Variants in KIF15 observed in about 807,000 individuals in gnomAD.
KIF15 encodes the protein kinesin family member 15, also known as kinesin-like protein KIF15.
A neutral mutation model predicts 190.6 loss-of-function variants in KIF15; 140 were observed. The observed-to-expected ratio is 0.73, with a 90% confidence interval of 0.64 to 0.84. The LOEUF (loss-of-function observed/expected upper bound fraction) is 0.84, where lower values mean the gene tolerates loss of function less well. KIF15 is among the 40% of genes least tolerant of loss of function. The pLI is 0.00. For missense variants in KIF15, 1,372 were observed against 1,584.4 expected, an observed-to-expected ratio of 0.87 and a Z score of 2.28; for synonymous variants, 528 against 551.3, an observed-to-expected ratio of 0.96 and a Z score of 0.59.
chr3:44,857,632 A>T (rs1054959126), downstream of KIF15, among the ~76,000 whole-genome samples: 5 of 152,178 alleles, frequency 3.3e-5, no homozygotes, highest in Admixed American at 2.6e-4. Flanking sequence ...GGTCGGCTAG[A>T]TTTCCTTTTG....
chr3:44,821,076 G>A (rs1440710651), intron 20 of KIF15, among the ~76,000 whole-genome samples: 10 of 145,630 alleles, frequency 6.9e-5, no homozygotes, highest in South Asian at 2.2e-4. Flanking sequence ...GCCGGGTGGC[G>A]GGCTGACCCC....
intron 1 of KIF15, 58 bp from the exon 2 acceptor site, chr3:44,774,337 A>G: frequency 6.8e-7 from 1 of 1,475,120 alleles, no homozygotes; most frequent in South Asian, 1.2e-5. Context: ...ATGTTAGAGA[A>G]GAATAGGATT....
chr3:44,841,965 C>T (rs1265982553), intron 29 of KIF15, among the ~76,000 whole-genome samples: 1 of 152,206 alleles, frequency 6.6e-6, no homozygotes, highest in Non-Finnish European at 1.5e-5. Flanking sequence ...GCTATGCTCT[C>T]ATCAGGAATG....
At chr3:44,868,391 C>T (rs1475420921) in intron 6 of KIF15, among the ~76,000 whole-genome samples, 2 of 152,160 alleles carry the variant, frequency 1.3e-5, no homozygotes, top group African/African-American at 4.8e-5. Context: ...TTTCCCTTTT[C>T]TATTCTATTC....
rs370952194 is a variant in KIF15, at chr3:44,786,440, A to G, written c.505A>G (p.Ile169Val). The change falls in exon 7 of 35, where the codon ATC (isoleucine) becomes GTC (valine). Residue 169 changes from isoleucine to valine, a missense_variant. Coordinates refer to ENST00000326047, the MANE Select transcript of KIF15 (RefSeq NM_020242.3). ...SFLCKCSFIE[I>V]YNEQIYDLLD... ...CCTTTGTAAGTGTTCCTTTATTGAA[A>G]TCTACAACGAGCAGATATATGATCT... is the stretch of plus-strand genomic sequence containing the variant. 9 of 1,611,548 alleles carry G rather than the reference A, an allele frequency of 5.6e-6. No individual in the cohort carries two copies. The highest frequency in any genetic ancestry group is 7.6e-6 in the Non-Finnish European group (9 of 1,178,406).
intron 26 of KIF15, among the ~76,000 whole-genome samples, chr3:44,836,757 C>T (rs546295040): frequency 9.2e-5 from 14 of 152,260 alleles, no homozygotes; most frequent in Middle Eastern, 3.4e-3. Context: ...GTATTGCCAG[C>T]GAAGAAGACT....
At chr3:44,772,619 C>T (rs4479635) in intron 1 of KIF15, among the ~76,000 whole-genome samples, 1,667 of 152,250 alleles carry the variant, frequency 0.011, 27 homozygotes, top group African/African-American at 0.037. Flanking sequence ...CCTTATTACC[C>T]GACATTAGCC....
intron 8 of KIF15, among the ~76,000 whole-genome samples, chr3:44,796,958 G>A (rs942057167): frequency 1.3e-5 from 2 of 151,722 alleles, no homozygotes; most frequent in Non-Finnish European, 2.9e-5. Flanking sequence ...TTTATAGCTC[G>A]GTTTCAAACT....
chr3:44,841,936 T>A (rs1476242813), intron 29 of KIF15, among the ~76,000 whole-genome samples: 1 of 152,228 alleles, frequency 6.6e-6, no homozygotes, highest in African/African-American at 2.4e-5. Flanking sequence ...CACAATGGTG[T>A]CATATACAGG....
At chr3:44,867,733 C>T (rs907617161) in intron 6 of KIF15, among the ~76,000 whole-genome samples, 2 of 152,156 alleles carry the variant, frequency 1.3e-5, no homozygotes, top group African/African-American at 4.8e-5. Flanking sequence ...ATCAGTCATT[C>T]TTCAAAAAGC....
chr3:44,788,205 T>C (rs969700564), intron 7 of KIF15, among the ~76,000 whole-genome samples: 4 of 152,214 alleles, frequency 2.6e-5, no homozygotes, highest in Non-Finnish European at 5.9e-5. Context: ...AGAAATGCAG[T>C]TGATTTTTAT....
chr3:44,829,624 TAC>T lies in KIF15; in HGVS notation c.2944-345_2944-344del, dbSNP rs377489174. On this transcript the variant is annotated intron_variant, in intron 24 of 34. Transcript: ENST00000326047. ...TATGCATATATATTATATATGTATATACATTATATATGTATATATTATATATG... is the reference window on the plus strand; with the variant it reads ...TATGCATATATATTATATATGTATATATTATATATGTATATATTATATATG... Among the ~76,000 whole-genome samples the T allele has an allele frequency of 7.4e-3, 386 of 52,062 alleles. 13 individuals carry two copies. The highest frequency in any genetic ancestry group is 0.054 in the South Asian group (74 of 1,364). The allele number at this position is 52,062 out of a possible 152,430, so 34.2% of individuals were successfully genotyped here.
intron 20 of KIF15, among the ~76,000 whole-genome samples, chr3:44,818,936 A>G (rs6787735): frequency 0.019 from 2,831 of 152,274 alleles, 75 homozygotes; most frequent in African/African-American, 0.064. Context: ...TTATTGGTGT[A>G]TTCAGAGATT....
Position 44,774,443 on chromosome 3 carries a change from G to A in KIF15, c.62+6G>A, listed in dbSNP as rs1705782996. 1 of 1,611,128 alleles carries A rather than the reference G, an allele frequency of 6.2e-7. No homozygotes were observed. Among genetic ancestry groups the A allele is most frequent in the African/African-American group, 1.3e-5 (1 of 74,900 alleles). ...GGTCAGTCTAACCAACCAAGGTAAG[G>A]AGAAAAATATTCTCAATGAGCTCCC... is the stretch of plus-strand genomic sequence containing the variant. On this transcript the variant is annotated splice_donor_region_variant and intron_variant, in intron 2 of 34. Transcript: ENST00000326047.
chr3:44,828,368 T>A, intron 24 of KIF15, 68 bp downstream of exon 24: 1 of 1,091,388 alleles, frequency 9.2e-7, no homozygotes, highest in Non-Finnish European at 1.4e-6. Context: ...CATTTTGTTC[T>A]CCTACCTCTT....
intron 4 of KIF15, among the ~76,000 whole-genome samples, chr3:44,780,315 C>T (rs1023151925): frequency 2.0e-5 from 3 of 152,014 alleles, no homozygotes; most frequent in Non-Finnish European, 4.4e-5. Flanking sequence ...GCACAAAAAC[C>T]TATAGCATAA....
intron 6 of KIF15, among the ~76,000 whole-genome samples, chr3:44,861,424 C>T (rs936073447): frequency 1.4e-4 from 21 of 152,206 alleles, no homozygotes; most frequent in African/African-American, 5.1e-4. Context: ...TGCGCTTGTC[C>T]CCATATGGGG....
At chr3:44,766,567 T>C (rs193194900) in intron 1 of KIF15, among the ~76,000 whole-genome samples, 1 of 152,270 alleles carries the variant, frequency 6.6e-6, no homozygotes, top group Non-Finnish European at 1.5e-5. Context: ...CCTGCTACTC[T>C]GTGGAGGAAC....
At chr3:44,785,546 A>C (rs530776984) in intron 6 of KIF15, among the ~76,000 whole-genome samples, 4 of 152,234 alleles carry the variant, frequency 2.6e-5, no homozygotes, top group African/African-American at 9.6e-5. Flanking sequence ...TAGAACCATT[A>C]GTGTTTTATG....
Sources: allele counts gnomAD v4.1 joint callset (sites outside exome capture counted in the v4.1 genomes callset), GRCh38; gene constraint gnomAD v4.1.1; transcripts MANE v1.5; gene names NCBI Gene and HGNC (gene_info 2026-07-23, HGNC 2026-07-21).